Variants in CD1B observed in about 807,000 individuals in gnomAD.
CD1B encodes the protein T-cell surface glycoprotein CD1b.
A neutral mutation model predicts 39.8 loss-of-function variants in CD1B; 43 were observed. The ratio of observed to expected loss-of-function variants is 1.08; its 90% CI spans 0.85 to 1.39. The LOEUF is 1.39. CD1B is among the 40% of genes most tolerant of loss of function. The pLI is 0.00. For missense variants in CD1B, 495 were observed against 403.8 expected, an observed-to-expected ratio of 1.23 and a Z score of -1.94; for synonymous variants, 192 against 152.5, an observed-to-expected ratio of 1.26 and a Z score of -1.91.
At chr1:158,307,310 A>G in the CD1B span, among the ~76,000 whole-genome samples, 8 of 152,264 alleles carry the variant, frequency 5.3e-5, no homozygotes, top group African/African-American at 1.7e-4. Flanking sequence ...AAATACCTCT[A>G]CGCAAATAAA....
chr1:158,285,741 C>A, the CD1B span, among the ~76,000 whole-genome samples: 1 of 152,116 alleles, frequency 6.6e-6, no homozygotes, highest in African/African-American at 2.4e-5. Flanking sequence ...TAGGAGTTTT[C>A]ATAGCTCTCA....
the CD1B span, among the ~76,000 whole-genome samples, chr1:158,307,329 T>A: frequency 2.6e-5 from 4 of 151,884 alleles, no homozygotes; most frequent in Non-Finnish European, 1.5e-5. Flanking sequence ...AACTAGAAAG[T>A]CTAGAAGAAA....
chr1:158,321,269 CT>C, the CD1B span, among the ~76,000 whole-genome samples: 2 of 152,020 alleles, frequency 1.3e-5, no homozygotes, highest in African/African-American at 2.4e-5. Flanking sequence ...GCATATTTGT[CT>C]TTTTTTACAG....
At chr1:158,319,372 C>CT in the CD1B span, among the ~76,000 whole-genome samples, 4 of 152,204 alleles carry the variant, frequency 2.6e-5, no homozygotes, top group African/African-American at 9.6e-5. Context: ...TCTTTTTATT[C>CT]TTTTTTCTCT....
the CD1B span, among the ~76,000 whole-genome samples, chr1:158,318,180 C>T: frequency 4.0e-4 from 61 of 152,148 alleles, no homozygotes; most frequent in African/African-American, 1.3e-3. Flanking sequence ...CTATTAGGTC[C>T]GCTTGGGGCA....
At chr1:158,306,930 A>G in the CD1B span, among the ~76,000 whole-genome samples, 8 of 152,224 alleles carry the variant, frequency 5.3e-5, no homozygotes, top group Non-Finnish European at 1.2e-4. Flanking sequence ...CATTCAAGGC[A>G]GTGTGTAGAG....
At chr1:158,327,244 G>C (rs1414967888), downstream of CD1B, among the ~76,000 whole-genome samples, 1 of 152,162 alleles carries the variant, frequency 6.6e-6, no homozygotes, top group Non-Finnish European at 1.5e-5. Flanking sequence ...ACAGAGCATT[G>C]ATTGGTGCAT....
the CD1B span, among the ~76,000 whole-genome samples, chr1:158,320,362 G>A: frequency 1.3e-5 from 2 of 152,336 alleles, no homozygotes; most frequent in South Asian, 4.1e-4. Flanking sequence ...ATCTCATGGT[G>A]TGCCGTTTTT....
chr1:158,295,984 G>A, the CD1B span, among the ~76,000 whole-genome samples: 7 of 152,040 alleles, frequency 4.6e-5, no homozygotes, highest in Non-Finnish European at 1.0e-4. Context: ...TAGCCTACAT[G>A]CGTGCATGTA....
At chr1:158,323,784 G>A (rs1054177173), downstream of CD1B, among the ~76,000 whole-genome samples, 6 of 152,132 alleles carry the variant, frequency 3.9e-5, no homozygotes, top group Non-Finnish European at 7.3e-5. Flanking sequence ...AGAAGGACGT[G>A]GTGAAGACCC....
At chr1:158,316,062 C>G in the CD1B span, among the ~76,000 whole-genome samples, 1 of 151,896 alleles carries the variant, frequency 6.6e-6, no homozygotes, top group South Asian at 2.1e-4. Flanking sequence ...TTACTGTAGC[C>G]TTGTAGTATA....
the CD1B span, among the ~76,000 whole-genome samples, chr1:158,303,409 T>A: frequency 6.6e-6 from 1 of 152,150 alleles, no homozygotes; most frequent in African/African-American, 2.4e-5. Flanking sequence ...CTATTCAACA[T>A]AATACTGGAA....
At chr1:158,327,441 G>A (rs1030060300), downstream of CD1B, among the ~76,000 whole-genome samples, 1 of 152,058 alleles carries the variant, frequency 6.6e-6, no homozygotes, top group East Asian at 1.9e-4. Flanking sequence ...TTGGCTAAGT[G>A]GAAACTATTT....
At chr1:158,322,390 C>A in the CD1B span, among the ~76,000 whole-genome samples, 1 of 151,658 alleles carries the variant, frequency 6.6e-6, no homozygotes, top group Non-Finnish European at 1.5e-5. Context: ...ACACAAGCCA[C>A]CATGGCTGGC....
chr1:158,307,691 T>C, the CD1B span, among the ~76,000 whole-genome samples: 145 of 152,292 alleles, frequency 9.5e-4, 1 homozygote, highest in Non-Finnish European at 1.5e-3. Context: ...CTCAATAAAA[T>C]ACTGGCAAAC....
At chr1:158,315,205 A>G in the CD1B span, among the ~76,000 whole-genome samples, 1 of 152,230 alleles carries the variant, frequency 6.6e-6, no homozygotes, top group East Asian at 1.9e-4. Flanking sequence ...TGGTATTTCT[A>G]GTTCTAGATC....
At chr1:158,320,399 C>A in the CD1B span, among the ~76,000 whole-genome samples, 7 of 152,108 alleles carry the variant, frequency 4.6e-5, no homozygotes, top group Non-Finnish European at 8.8e-5. Flanking sequence ...GCGCAGTATT[C>A]GGGTGGGAGT....
the CD1B span, among the ~76,000 whole-genome samples, chr1:158,322,425 T>TG: frequency 3.3e-5 from 5 of 149,844 alleles, no homozygotes; most frequent in African/African-American, 1.3e-4. Context: ...CTGTTTTTTT[T>TG]TTTTTGTGTG....
chr1:158,317,842 C>T, the CD1B span, among the ~76,000 whole-genome samples: 1 of 152,172 alleles, frequency 6.6e-6, no homozygotes, highest in African/African-American at 2.4e-5. Flanking sequence ...GAATGCGTCC[C>T]AGAGATTCTG....
Sources: allele counts gnomAD v4.1 joint callset (sites outside exome capture counted in the v4.1 genomes callset), GRCh38; gene constraint gnomAD v4.1.1; transcripts MANE v1.5; gene names NCBI Gene and HGNC (gene_info 2026-07-23, HGNC 2026-07-21).